TMCC1: variants seen among roughly 807,000 people sequenced by gnomAD.
The protein encoded by TMCC1 is transmembrane and coiled-coil domains protein 1.
In TMCC1, 15 loss-of-function variants were observed where a neutral mutation model predicts 52.4. That is an observed-to-expected ratio of 0.29 (90% CI 0.19 to 0.44). The LOEUF (loss-of-function observed/expected upper bound fraction) is 0.44, where lower values mean the gene tolerates loss of function less well. Among genes scored for constraint, TMCC1 ranks in the 20% least tolerant of loss-of-function variants. TMCC1 has a pLI of 1.00. For synonymous variants in TMCC1, 279 were observed against 301.9 expected, an observed-to-expected ratio of 0.92 and a Z score of 0.79; for missense variants, 503 against 806.0, an observed-to-expected ratio of 0.62 and a Z score of 4.55.
intron 4 of TMCC1, among the ~76,000 whole-genome samples, chr3:129,784,994 A>C (rs2055881650): frequency 6.6e-6 from 1 of 152,172 alleles, no homozygotes; most frequent in South Asian, 2.1e-4. Flanking sequence ...TAAAAAAAAC[A>C]AAACAGTCAG....
intron 4 of TMCC1, among the ~76,000 whole-genome samples, chr3:129,700,501 G>A (rs995806383): frequency 6.6e-6 from 1 of 151,220 alleles, no homozygotes; most frequent in African/African-American, 2.4e-5. Context: ...TTTTTGAGAC[G>A]GAGTCTCGCT....
chr3:129,826,235 C>T (rs1305921030), intron 4 of TMCC1, among the ~76,000 whole-genome samples: 2 of 151,600 alleles, frequency 1.3e-5, no homozygotes, highest in East Asian at 3.9e-4. Context: ...GACACGGTGG[C>T]TCATGCCTGT....
chr3:129,701,684 A>C (rs1232696622), intron 4 of TMCC1, among the ~76,000 whole-genome samples: 1 of 152,228 alleles, frequency 6.6e-6, no homozygotes, highest in African/African-American at 2.4e-5. Flanking sequence ...ACCTTCAGAC[A>C]CTAAATTATG....
intron 4 of TMCC1, among the ~76,000 whole-genome samples, chr3:129,691,174 T>G (rs1162588160): frequency 6.6e-6 from 1 of 152,244 alleles, no homozygotes; most frequent in African/African-American, 2.4e-5. Flanking sequence ...TAGATATCTA[T>G]TCTCTGTTGA....
At position 129,723,162 on chromosome 3, in the gene TMCC1, A is replaced by T. The variant is rs1041580300; in HGVS notation, c.577-51898T>A. Among the ~76,000 whole-genome samples, 15 of 152,194 alleles carry T rather than the reference A, an allele frequency of 9.9e-5. 1 individual carries two copies. Among genetic ancestry groups the T allele is most frequent in the Non-Finnish European group, 1.5e-4 (10 of 68,034 alleles). On this transcript the variant is annotated intron_variant, in intron 4 of 6. Coordinates refer to ENST00000393238, the MANE Select transcript of TMCC1 (RefSeq NM_001017395.5). ...AAGTTTGTACTCAGGACTATGGATG[A>T]AATGTGAAAATGGTGGTTGTGTTGA...
At chr3:129,849,733 T>C (rs1334316566) in intron 2 of TMCC1, among the ~76,000 whole-genome samples, 1 of 151,266 alleles carries the variant, frequency 6.6e-6, no homozygotes, top group Non-Finnish European at 1.5e-5. Context: ...ACCACCGCAC[T>C]ACAGCTTGGG....
intron 4 of TMCC1, among the ~76,000 whole-genome samples, chr3:129,744,207 G>A (rs978528057): frequency 6.6e-6 from 1 of 152,162 alleles, no homozygotes; most frequent in Non-Finnish European, 1.5e-5. Context: ...AGGAGCTCTG[G>A]TAGCAATTTC....
At chr3:129,759,831 C>T (rs1391096588) in intron 4 of TMCC1, among the ~76,000 whole-genome samples, 2 of 147,622 alleles carry the variant, frequency 1.4e-5, no homozygotes, top group African/African-American at 2.5e-5. Flanking sequence ...ACGCCATTCT[C>T]CTGCCTCAGC....
rs146321007 is a variant in TMCC1 at position 129,813,270 on chromosome 3, T to C, written c.576+14533A>G. On this transcript the variant is annotated intron_variant, in intron 4 of 6. Coordinates refer to ENST00000393238, the MANE Select transcript of TMCC1 (RefSeq NM_001017395.5). ...CAGTCTGGCGATTTCTCAAATAACT[T>C]AAAACAGAATTACCATTTAACCCAG... Among the ~76,000 whole-genome samples, 218 of 152,292 alleles carry C rather than the reference T, an allele frequency of 1.4e-3. 1 individual carries two copies. The highest frequency in any genetic ancestry group is 1.3e-3 in the Non-Finnish European group (86 of 68,024).
At chr3:129,681,664 T>G (rs1489668568) in intron 4 of TMCC1, among the ~76,000 whole-genome samples, 1 of 151,916 alleles carries the variant, frequency 6.6e-6, no homozygotes, top group African/African-American at 2.4e-5. Context: ...TCCCAGAACT[T>G]TGGGAGGCCG....
chr3:129,789,712 C>T (rs941017769), intron 4 of TMCC1, among the ~76,000 whole-genome samples: 2 of 152,160 alleles, frequency 1.3e-5, no homozygotes, highest in Non-Finnish European at 1.5e-5. Flanking sequence ...GATCTCCTGA[C>T]CTCATGATCT....
chr3:129,845,457 C>G (rs761205132), intron 2 of TMCC1, among the ~76,000 whole-genome samples: 4 of 152,042 alleles, frequency 2.6e-5, no homozygotes, highest in Non-Finnish European at 4.4e-5. Flanking sequence ...ATACTTATCT[C>G]AAAATGAAGG....
At chr3:129,671,812 G>A (rs1433323067) in intron 4 of TMCC1, among the ~76,000 whole-genome samples, 2 of 152,148 alleles carry the variant, frequency 1.3e-5, no homozygotes, top group African/African-American at 4.8e-5. Flanking sequence ...CATGTCAAGG[G>A]TGATGGATCA....
rs1418262218 is a variant in TMCC1 at position 129,647,970 on chromosome 3, TGCAA to T, written c.*3507_*3510del. 6.6e-6 allele frequency: 1 copy of T among 152,660 alleles called. No individual in the cohort carries two copies. The highest frequency in any genetic ancestry group is 1.5e-5 in the Non-Finnish European group (1 of 68,048). 9.5% of individuals were successfully genotyped at this position (152,660 alleles called of 1,614,324 possible). A position where few individuals can be genotyped will look rare whatever the true frequency, so the allele number is the denominator to read the frequency against. Reference sequence around the variant, plus strand: ...TGTCATTTCTTTACGTTTCAATTCGTGCAAGTGAGTTTTTATTCTTACACACTTT... The same window carrying T: ...TGTCATTTCTTTACGTTTCAATTCGTGTGAGTTTTTATTCTTACACACTTT... On this transcript the variant is annotated 3_prime_UTR_variant, in exon 7 of 7. Transcript: ENST00000393238.
At chr3:129,886,453 A>G (rs1379525574) in intron 1 of TMCC1, among the ~76,000 whole-genome samples, 2 of 152,224 alleles carry the variant, frequency 1.3e-5, no homozygotes, top group African/African-American at 4.8e-5. Flanking sequence ...AAGCTTATAC[A>G]AGAATATTCA....
chr3:129,738,131 C>T (rs749427576), intron 4 of TMCC1, among the ~76,000 whole-genome samples: 35 of 151,924 alleles, frequency 2.3e-4, no homozygotes, highest in Non-Finnish European at 4.0e-4. Flanking sequence ...ATTAGCCAAG[C>T]GTGGTGGTGG....
intron 4 of TMCC1, among the ~76,000 whole-genome samples, chr3:129,702,885 G>C (rs533201453): frequency 1.3e-5 from 2 of 152,078 alleles, no homozygotes; most frequent in Non-Finnish European, 1.5e-5. Context: ...GCGTGATAGC[G>C]TGCGCCTGTA....
intron 2 of TMCC1, among the ~76,000 whole-genome samples, chr3:129,848,939 T>G (rs1284525571): frequency 6.6e-6 from 1 of 152,120 alleles, no homozygotes; most frequent in Admixed American, 6.6e-5. Context: ...TTACTTGATT[T>G]CCAAAATGGA....
chr3:129,795,053 C>T (rs981705618), intron 4 of TMCC1, among the ~76,000 whole-genome samples: 1 of 152,164 alleles, frequency 6.6e-6, no homozygotes, highest in Non-Finnish European at 1.5e-5. Flanking sequence ...TCCTCTTATT[C>T]ACAGGGAGGG....
Sources: allele counts gnomAD v4.1 joint callset (sites outside exome capture counted in the v4.1 genomes callset), GRCh38; gene constraint gnomAD v4.1.1; transcripts MANE v1.5; gene names NCBI Gene and HGNC (gene_info 2026-07-23, HGNC 2026-07-21).